ST7: variants seen among roughly 807,000 people sequenced by gnomAD.
The protein encoded by ST7 is suppressor of tumorigenicity 7 protein.
A neutral mutation model predicts 78.7 loss-of-function variants in ST7; 28 were observed. That is an observed-to-expected ratio of 0.36 (90% CI 0.26 to 0.49). The LOEUF (loss-of-function observed/expected upper bound fraction) is 0.49, where lower values mean the gene tolerates loss of function less well. Among genes scored for constraint, ST7 ranks in the 20% least tolerant of loss-of-function variants. The pLI is 0.99. For missense variants in ST7, 418 were observed against 696.0 expected (o/e 0.60, Z 4.49); for synonymous variants, 247 against 249.6 (o/e 0.99, Z 0.10).
At chr7:116,961,228 T>C (rs971737546) in intron 1 of ST7, among the ~76,000 whole-genome samples, 1 of 152,206 alleles carries the variant, frequency 6.6e-6, no homozygotes, top group African/African-American at 2.4e-5. Flanking sequence ...TAGTGTAGTT[T>C]GAAGATGAGT....
At chr7:117,027,144 A>G (rs1219208763) in intron 1 of ST7, among the ~76,000 whole-genome samples, 1 of 152,222 alleles carries the variant, frequency 6.6e-6, no homozygotes, top group Non-Finnish European at 1.5e-5. Flanking sequence ...ACAAATACTT[A>G]CCAAATTAAG....
intron 1 of ST7, chr7:116,958,730 A>G (rs12706127): frequency 0.18 from 84,608 of 470,252 alleles, 8,861 homozygotes; most frequent in South Asian, 0.22. Context: ...TATAAAAGTT[A>G]TAGTCACACT....
chr7:117,043,657 A>T (rs1264337990), intron 1 of ST7, among the ~76,000 whole-genome samples: 1 of 152,210 alleles, frequency 6.6e-6, no homozygotes, highest in African/African-American at 2.4e-5. Context: ...TCCCAAGGTG[A>T]AGAAGTGATT....
intron 1 of ST7, among the ~76,000 whole-genome samples, chr7:117,085,091 G>T (rs1029051435): frequency 6.6e-6 from 1 of 152,036 alleles, no homozygotes; most frequent in Non-Finnish European, 1.5e-5. Flanking sequence ...ACAAGAAAAA[G>T]AATAAAGGAA....
intron 1 of ST7, among the ~76,000 whole-genome samples, chr7:117,068,698 T>C (rs918700142): frequency 4.6e-5 from 7 of 152,222 alleles, no homozygotes; most frequent in African/African-American, 1.7e-4. Flanking sequence ...CCAGCTCTCA[T>C]TGTATAGGCT....
At chr7:116,965,474 GA>G (rs1562981127) in intron 1 of ST7, among the ~76,000 whole-genome samples, 1 of 152,064 alleles carries the variant, frequency 6.6e-6, no homozygotes, top group Non-Finnish European at 1.5e-5. Flanking sequence ...TTAAAACCTA[GA>G]TAACACGTTG....
Position 116,998,177 on chromosome 7 carries a change from C to T in ST7, c.151+44486C>T, listed in dbSNP as rs575043476. Among the ~76,000 whole-genome samples the T allele has an allele frequency of 1.6e-4, 25 of 152,336 alleles. No homozygotes were observed. In the South Asian group the frequency reaches 2.1e-3, roughly 13 times the overall value. On this transcript the variant is annotated intron_variant, in intron 1 of 15. Transcript: ENST00000323984. ...AGCTGAGGCCCAGCGAGAATTCGAG[C>T]GTAGCGCTGGCGGGCCGGCACTGCT...
At chr7:117,176,721 T>C (rs1215910443) in intron 10 of ST7, among the ~76,000 whole-genome samples, 2 of 152,196 alleles carry the variant, frequency 1.3e-5, no homozygotes, top group African/African-American at 4.8e-5. Context: ...GGAGGTCCAA[T>C]GAGTAAAATC....
intron 1 of ST7, among the ~76,000 whole-genome samples, chr7:117,093,748 C>G (rs1030590528): frequency 7.2e-5 from 11 of 152,114 alleles, no homozygotes; most frequent in African/African-American, 2.4e-4. Context: ...AAACAGCCGT[C>G]ATAATACATA....
chr7:117,216,124 GATAGACTTGGAACCTAGA>G (rs1247810653), intron 13 of ST7, among the ~76,000 whole-genome samples: 1 of 152,116 alleles, frequency 6.6e-6, no homozygotes, highest in Non-Finnish European at 1.5e-5. Flanking sequence ...GAACAGCACT[GATAGACTTGGAACCTAGA>G]AAATGTGTCT....
chr7:116,955,035 C>G (rs1484761264), intron 1 of ST7: 2 of 448,588 alleles, frequency 4.5e-6, no homozygotes, highest in Non-Finnish European at 9.1e-6. Context: ...ATTGTCTCAC[C>G]ATTTGAATAG....
intron 10 of ST7, among the ~76,000 whole-genome samples, chr7:117,178,990 T>C (rs1808542867): frequency 6.6e-6 from 1 of 152,216 alleles, no homozygotes; most frequent in Non-Finnish European, 1.5e-5. Flanking sequence ...TTGTTTTTTC[T>C]ACTTTTCTTC....
chr7:117,098,690 C>G (rs1801316155), intron 1 of ST7: 1 of 994,676 alleles, frequency 1.0e-6, no homozygotes, highest in Admixed American at 3.4e-5. Context: ...GGGCTGAGCT[C>G]AGGACAGATG....
chr7:117,058,045 C>CTAAT (rs1798155133), intron 1 of ST7, among the ~76,000 whole-genome samples: 1 of 152,116 alleles, frequency 6.6e-6, no homozygotes, highest in African/African-American at 2.4e-5. Flanking sequence ...AGAAAGCAAA[C>CTAAT]TAATTTTTCA....
intron 1 of ST7, chr7:117,020,075 C>T (rs1279335020): frequency 2.6e-5 from 4 of 152,508 alleles, no homozygotes; most frequent in Non-Finnish European, 5.9e-5. Flanking sequence ...ACGTGGCTCT[C>T]GGTCTTGTGC....
At chr7:116,963,817 G>C (rs575816800) in intron 1 of ST7, among the ~76,000 whole-genome samples, 19 of 152,042 alleles carry the variant, frequency 1.2e-4, no homozygotes, top group Admixed American at 6.5e-4. Context: ...ATTTTTAGTA[G>C]AGACAGGGTT....
chr7:117,144,708 A>G (rs1805612213), intron 9 of ST7, among the ~76,000 whole-genome samples: 1 of 151,960 alleles, frequency 6.6e-6, no homozygotes, highest in East Asian at 1.9e-4. Context: ...ATGCCTTGAG[A>G]GTCACTTGTA....
At chr7:117,063,851 C>G (rs1310956684) in intron 1 of ST7, among the ~76,000 whole-genome samples, 1 of 152,130 alleles carries the variant, frequency 6.6e-6, no homozygotes, top group Admixed American at 6.5e-5. Context: ...TTTGGTACTA[C>G]ATCTTGGGGA....
chr7:117,125,688 G>T (rs1252348353), intron 3 of ST7, among the ~76,000 whole-genome samples: 3 of 152,012 alleles, frequency 2.0e-5, no homozygotes, highest in Non-Finnish European at 4.4e-5. Context: ...TGACTGGCTT[G>T]GGGTTAATTT....
Sources: gnomAD v4.1 joint callset for allele counts (sites outside exome capture counted in the v4.1 genomes callset) on GRCh38, gnomAD v4.1.1 for gene constraint, MANE v1.5 for transcripts, NCBI Gene and HGNC (gene_info 2026-07-23, HGNC 2026-07-21) for gene names.